The following FECH variants were observed in gnomAD, a reference collection of about 807,000 sequenced individuals.
The protein encoded by FECH is ferrochelatase.
In FECH, 40 loss-of-function variants were observed where a neutral mutation model predicts 56.9. That is an observed-to-expected ratio of 0.70 (90% CI 0.55 to 0.92). FECH has a LOEUF of 0.92. FECH is among the 40% of genes least tolerant of loss of function. The probability of loss-of-function intolerance (pLI) is 0.00; values close to 1 mark genes in which losing one functional copy is unlikely to be tolerated. For missense variants in FECH, 431 were observed against 529.1 expected, an observed-to-expected ratio of 0.81 and a Z score of 1.82; for synonymous variants, 175 against 198.6, an observed-to-expected ratio of 0.88 and a Z score of 1.00.
intron 5 of FECH, among the ~76,000 whole-genome samples, chr18:57,563,579 C>A (rs111906159): frequency 0.96 from 91,975 of 95,974 alleles, 44,764 homozygotes; most frequent in Middle Eastern, 1. Flanking sequence ...AAACTCCGTC[C>A]CAAAAAAAAA....
rs531300156 is a variant in FECH at position 57,550,724 on chromosome 18, G to C, written c.1260C>G (p.Ser420Arg). The C allele has an allele frequency of 1.9e-5, 30 of 1,614,014 alleles. 1 individual carries two copies. In the South Asian group the frequency reaches 3.3e-4, roughly 18 times the overall value. The change falls in exon 11 of 11, where the codon AGC (serine) becomes AGG (arginine). Residue 420 changes from serine (S) to arginine (R), a missense_variant. Transcript: ENST00000262093. ...VCRETKSFFT[S>R]QQL ...CCACCGGCGGGGGTCACAGCTGCTG[G>C]CTGGTGAAGAAGGATTTAGTCTCCC... is the stretch of plus-strand genomic sequence containing the variant.
intron 2 of FECH, among the ~76,000 whole-genome samples, chr18:57,577,111 C>A (rs1207411161): frequency 6.6e-6 from 1 of 152,158 alleles, no homozygotes; most frequent in Non-Finnish European, 1.5e-5. Context: ...TCTATATGGT[C>A]AGCCTCAAGA....
In FECH at chr18:57,586,674, G is replaced by T; in HGVS notation, c.-54C>A. ...GCTCCTCCCGCGGCGGCGCGCCCAG[G>T]TGTCCGCCCAGCAGTGGCCGAGCCG... On this transcript the variant is annotated 5_prime_UTR_variant, in exon 1 of 11. Coordinates refer to ENST00000262093, the MANE Select transcript of FECH (RefSeq NM_000140.5). 3.4e-6 allele frequency: 5 copies of T among 1,465,642 alleles called. No individual in the cohort carries two copies. Among genetic ancestry groups the T allele is most frequent in the Non-Finnish European group, 3.6e-6 (4 of 1,107,046 alleles). 90.8% of individuals were successfully genotyped at this position (1,465,642 alleles called of 1,614,324 possible). A position where few individuals can be genotyped will look rare whatever the true frequency, so the allele number is the denominator to read the frequency against.
intron 4 of FECH, among the ~76,000 whole-genome samples, chr18:57,567,557 T>C (rs1244640858): frequency 2.6e-5 from 4 of 152,360 alleles, no homozygotes; most frequent in Non-Finnish European, 4.4e-5. Context: ...TCAGGGATGA[T>C]AGTGAGAATC....
At chr18:57,583,320 G>A (rs1347984860) in intron 1 of FECH, among the ~76,000 whole-genome samples, 2 of 152,200 alleles carry the variant, frequency 1.3e-5, no homozygotes, top group East Asian at 1.9e-4. Flanking sequence ...CTGATGGCAC[G>A]GGCAGCATTG....
chr18:57,579,262 T>TAC (rs1200414459), intron 2 of FECH, among the ~76,000 whole-genome samples: 157 of 124,172 alleles, frequency 1.3e-3, no homozygotes, highest in Non-Finnish European at 2.3e-3. Flanking sequence ...AAAAAAAAGA[T>TAC]ATATATATAT....
At chr18:57,561,702 T>A (rs1199036748) in intron 6 of FECH, among the ~76,000 whole-genome samples, 1 of 152,212 alleles carries the variant, frequency 6.6e-6, no homozygotes, top group Non-Finnish European at 1.5e-5. Flanking sequence ...AATTACTCAC[T>A]TGATCAGGGC....
chr18:57,571,095 T>C (rs1177113454), intron 4 of FECH, among the ~76,000 whole-genome samples: 1 of 152,266 alleles, frequency 6.6e-6, no homozygotes, highest in Non-Finnish European at 1.5e-5. Flanking sequence ...CTTTCTTTCA[T>C]GGTATGTTGC....
Position 57,548,763 on chromosome 18 carries a change from C to G in FECH, c.*1949G>C, listed in dbSNP as rs951367145. 1 of 152,216 alleles carries G rather than the reference C, an allele frequency of 6.6e-6. No individual in the cohort carries two copies. The highest frequency in any genetic ancestry group is 1.5e-5 in the Non-Finnish European group (1 of 68,040). 9.4% of individuals were successfully genotyped at this position (152,216 alleles called of 1,614,324 possible). A position where few individuals can be genotyped will look rare whatever the true frequency, so the allele number is the denominator to read the frequency against. On this transcript the variant is annotated 3_prime_UTR_variant, in exon 11 of 11. Coordinates refer to ENST00000262093, the MANE Select transcript of FECH (RefSeq NM_000140.5). ...TATAAAAGCCAGTCTGGTCCCAACT[C>G]AGTATCAAGGACATTATTCCAGACA...
At chr18:57,567,412 C>A (rs2051033376) in intron 4 of FECH, among the ~76,000 whole-genome samples, 1 of 152,204 alleles carries the variant, frequency 6.6e-6, no homozygotes, top group Admixed American at 6.5e-5. Flanking sequence ...CCTCCCGCAT[C>A]TTCCTTTCTT....
chr18:57,567,113 C>T (rs473173), intron 4 of FECH, among the ~76,000 whole-genome samples: 17,765 of 152,004 alleles, frequency 0.12, 1,297 homozygotes, highest in Non-Finnish European at 0.17. Context: ...CCTCCCAGGC[C>T]CCCCACCTCA....
At position 57,571,434 on chromosome 18, in the gene FECH, C is replaced by G; in HGVS notation, c.421G>C (p.Glu141Gln). The change falls in exon 4 of 11, where the codon GAG becomes CAG. Residue 141 changes from glutamate (E) to glutamine (Q), a missense_variant. Physicochemically the swap from Glu to Gln is conservative, Grantham distance 29 (BLOSUM62 2). Coordinates refer to ENST00000262093, the MANE Select transcript of FECH (RefSeq NM_000140.5). ...PIKIWTSKQG[E>Q]GMVKLLDELS... Reference sequence around the variant, plus strand: ...TCATCCAGCAGCTTCACCATGCCCTCTCCCTGCTTGGAAGTCCATATCTTG... The same window carrying G: ...TCATCCAGCAGCTTCACCATGCCCTGTCCCTGCTTGGAAGTCCATATCTTG... The G allele has an allele frequency of 6.2e-7, 1 of 1,614,046 alleles. No individual in the cohort carries two copies.
chr18:57,545,596 C>T lies in FECH; in HGVS notation c.*5116G>A, dbSNP rs2050710298. 6.6e-6 allele frequency among the ~76,000 whole-genome samples: 1 copy of T among 152,202 alleles called. No individual in the cohort carries two copies. Among genetic ancestry groups the T allele is most frequent in the Admixed American group, 6.5e-5 (1 of 15,280 alleles). The stretch of plus-strand genomic sequence containing the variant: ...ACGGAGCGATGGTCTGGCTGAAGGG[C>T]ACCACCTGCTATTGCTCATCATATT... On this transcript the variant is annotated 3_prime_UTR_variant, in exon 11 of 11. Transcript: ENST00000262093.
rs573426089 is a variant in FECH, at chr18:57,577,034, G to A, written c.194+3039C>T. ...GACTCTCAAAATACAAGGTTTTTCC[G>A]TGAAATATTAAATGTACGTAACAGA... On this transcript the variant is annotated intron_variant, in intron 2 of 10. Transcript: ENST00000262093. Among the ~76,000 whole-genome samples the A allele has an allele frequency of 5.9e-5, 9 of 152,248 alleles. No homozygotes were observed. The East Asian group carries it at 1.4e-3, about 23-fold the overall frequency.
In FECH at chr18:57,586,560, C is replaced by A; in HGVS notation, c.61G>T (p.Asp21Tyr). Reference sequence around the variant, plus strand: ...CCGCGACAGACCCACTTACGCGGATCGCGGAGCAGGACGCCCGCGGCGCGC... The same window carrying A: ...CCGCGACAGACCCACTTACGCGGATAGCGGAGCAGGACGCCCGCGGCGCGC... ...ALRAAGVLLR[D>Y]PLASSSWRVC... The change falls in exon 1 of 11, where the codon GAT becomes TAT. Residue 21 changes from aspartate to tyrosine, a missense_variant. By Grantham distance (160) the Asp-to-Tyr change is radical. Transcript: ENST00000262093. 1.3e-6 allele frequency: 2 copies of A among 1,522,006 alleles called. No individual in the cohort carries two copies. Among genetic ancestry groups the A allele is most frequent in the Non-Finnish European group, 1.8e-6 (2 of 1,141,494 alleles). The allele number at this position is 1,522,006 out of a possible 1,614,324, so 94.3% of individuals were successfully genotyped here.
At chr18:57,585,546 G>A (rs2051356355) in intron 1 of FECH, among the ~76,000 whole-genome samples, 2 of 152,122 alleles carry the variant, frequency 1.3e-5, no homozygotes, top group African/African-American at 2.4e-5. Flanking sequence ...GTCCCCCAGC[G>A]CCCTTAGTGA....
At chr18:57,564,929 C>A (rs7230486) in intron 5 of FECH, among the ~76,000 whole-genome samples, 17,353 of 152,230 alleles carry the variant, frequency 0.11, 1,482 homozygotes, top group African/African-American at 0.24. Flanking sequence ...ACAATAGTGC[C>A]AGTCTAAAAG....
chr18:57,569,936 C>A (rs976193357), intron 4 of FECH, among the ~76,000 whole-genome samples: 1 of 151,740 alleles, frequency 6.6e-6, no homozygotes, highest in African/African-American at 2.4e-5. Flanking sequence ...CTGGCTCAAG[C>A]GATCCTTCCA....
rs939529195 is a variant in FECH, at chr18:57,549,293, G to C, written c.*1419C>G. The C allele has an allele frequency of 1.3e-5, 2 of 152,086 alleles. No homozygotes were observed. Among genetic ancestry groups the C allele is most frequent in the African/African-American group, 4.8e-5 (2 of 41,398 alleles). 9.4% of individuals were successfully genotyped at this position (152,086 alleles called of 1,614,324 possible). On this transcript the variant is annotated 3_prime_UTR_variant, in exon 11 of 11. Transcript: ENST00000262093. ...CATTTAATAATTCTGATTTAGATCA[G>C]TTTTGATTTAACAGACAGCATGAAT...
Sources: gnomAD v4.1 joint callset for allele counts (sites outside exome capture counted in the v4.1 genomes callset) on GRCh38, gnomAD v4.1.1 for gene constraint, MANE v1.5 for transcripts, NCBI Gene and HGNC (gene_info 2026-07-23, HGNC 2026-07-21) for gene names.